The following USP48 variants were observed in gnomAD, a reference collection of about 807,000 sequenced individuals.
The protein encoded by USP48 is ubiquitin specific peptidase 48.
A neutral mutation model predicts 150.7 loss-of-function variants in USP48; 43 were observed. The observed-to-expected ratio is 0.29, with a 90% confidence interval of 0.22 to 0.37. The LOEUF (loss-of-function observed/expected upper bound fraction) is 0.37, where lower values mean the gene tolerates loss of function less well. Among genes scored for constraint, USP48 ranks in the 10% least tolerant of loss-of-function variants. The probability of loss-of-function intolerance (pLI) is 1.00; values close to 1 mark genes in which losing one functional copy is unlikely to be tolerated. For synonymous variants in USP48, 396 were observed against 425.9 expected, an observed-to-expected ratio of 0.93 and a Z score of 0.86; for missense variants, 813 against 1,249.6, an observed-to-expected ratio of 0.65 and a Z score of 5.27.
intron 22 of USP48, among the ~76,000 whole-genome samples, chr1:21,700,739 C>T (rs949553112): frequency 3.3e-5 from 5 of 152,176 alleles, no homozygotes; most frequent in African/African-American, 1.2e-4. Flanking sequence ...AACTTATCTC[C>T]ACCTACATCA....
chr1:21,697,854 C>T (rs1278503921), intron 22 of USP48, among the ~76,000 whole-genome samples: 1 of 151,988 alleles, frequency 6.6e-6, no homozygotes, highest in African/African-American at 2.4e-5. Flanking sequence ...GATCTAAAGG[C>T]TTTTCCTGGA....
At chr1:21,748,417 C>T in intron 6 of USP48, 146 bp from the exon 7 acceptor site, 2 of 707,114 alleles carry the variant, frequency 2.8e-6, no homozygotes, top group Non-Finnish European at 4.5e-6. Context: ...AATGGACACA[C>T]AAAAGTAATG....
At chr1:21,753,937 C>T (rs925511968) in intron 3 of USP48, among the ~76,000 whole-genome samples, 6 of 148,914 alleles carry the variant, frequency 4.0e-5, no homozygotes, top group African/African-American at 1.5e-4. Context: ...CCATGGCTGG[C>T]GGATCACAAG....
chr1:21,730,694 T>A (rs898948383), intron 9 of USP48, among the ~76,000 whole-genome samples: 2 of 150,492 alleles, frequency 1.3e-5, no homozygotes, highest in African/African-American at 4.9e-5. Flanking sequence ...AAAAAATAAA[T>A]AAATAAAAAT....
chr1:21,689,656 A>G (rs2097591371), intron 24 of USP48, among the ~76,000 whole-genome samples: 2 of 152,166 alleles, frequency 1.3e-5, no homozygotes, highest in Admixed American at 6.5e-5. Context: ...AAAGGCATAG[A>G]AACTGATCTA....
At chr1:21,758,739 G>C (rs1210664458) in intron 1 of USP48, among the ~76,000 whole-genome samples, 1 of 142,822 alleles carries the variant, frequency 7.0e-6, no homozygotes, top group East Asian at 2.1e-4. Context: ...GACAGAGCAA[G>C]ACTCTGTCTT....
At chr1:21,765,625 A>G (rs1158779441) in intron 1 of USP48, among the ~76,000 whole-genome samples, 1 of 149,148 alleles carries the variant, frequency 6.7e-6, no homozygotes, top group African/African-American at 2.5e-5. Flanking sequence ...AAAAAAAAAA[A>G]GGGGGGGACA....
At chr1:21,714,210 A>G (rs333186) in intron 15 of USP48, among the ~76,000 whole-genome samples, 120,340 of 152,140 alleles carry the variant, frequency 0.79, 48,516 homozygotes, top group Admixed American at 0.87. Context: ...AACAAGAAAC[A>G]CATGAACATG....
intron 3 of USP48, among the ~76,000 whole-genome samples, chr1:21,754,446 A>G (rs1382993536): frequency 6.6e-6 from 1 of 152,218 alleles, no homozygotes; most frequent in Middle Eastern, 3.2e-3. Flanking sequence ...GAAAGCATGG[A>G]TATTGAGAGC....
chr1:21,705,602 C>T, intron 19 of USP48, 125 bp downstream of exon 19: 1 of 663,930 alleles, frequency 1.5e-6, no homozygotes, highest in Non-Finnish European at 2.4e-6. Context: ...AAAAACCCCA[C>T]AATTCAGCAA....
intron 1 of USP48, among the ~76,000 whole-genome samples, chr1:21,778,724 G>A (rs2097906595): frequency 1.3e-5 from 2 of 151,358 alleles, no homozygotes; most frequent in Non-Finnish European, 2.9e-5. Flanking sequence ...ACCAGCTTGG[G>A]CACCAAAGTG....
chr1:21,750,332 C>T (rs1243608366), intron 6 of USP48, among the ~76,000 whole-genome samples: 5 of 152,104 alleles, frequency 3.3e-5, no homozygotes, highest in African/African-American at 7.2e-5. Flanking sequence ...TTGTTTCTAA[C>T]GGGGCTCACC....
At position 21,704,263 on chromosome 1, in the gene USP48, G is replaced by A. The variant is rs1272018284; in HGVS notation, c.2514C>T (p.Pro838=). The A allele has an allele frequency of 7.5e-6, 12 of 1,607,516 alleles. No homozygotes were observed. The highest frequency in any genetic ancestry group is 1.3e-5 in the African/African-American group (1 of 74,344). ...ACCGAAAGCAATATGAAAACTTACT[G>A]GGCTCAGAAATATACTGTGTTTCTG... is the stretch of plus-strand genomic sequence containing the variant. ...NPSETQYISE[P]KLCPECREGL... is the part of the protein sequence containing the mutation. The change falls in exon 20 of 27, where the codon CCC becomes CCT. Residue 838 remains proline (P), a splice_region_variant and synonymous_variant. Transcript: ENST00000308271.
At chr1:21,770,101 T>C (rs553122559) in intron 1 of USP48, among the ~76,000 whole-genome samples, 5 of 151,966 alleles carry the variant, frequency 3.3e-5, no homozygotes, top group Admixed American at 1.3e-4. Flanking sequence ...GGTGGGCAGA[T>C]TGCTTGAGCC....
chr1:21,759,650 C>G (rs758527313), intron 1 of USP48, among the ~76,000 whole-genome samples: 3 of 152,126 alleles, frequency 2.0e-5, no homozygotes, highest in Admixed American at 6.6e-5. Flanking sequence ...GGAGGTCCCA[C>G]TGGTCAAATT....
chr1:21,729,703 C>A lies in USP48; in HGVS notation c.1300+1G>T. On this transcript the variant is annotated splice_donor_variant, in intron 10 of 26. Coordinates refer to ENST00000308271, the MANE Select transcript of USP48 (RefSeq NM_032236.8). LOFTEE classifies it high-confidence loss of function. ...GCTATAATCCTGGAAAACTGCTTTA[C>A]CTGGAACTTGAACAGTAGTGTTGGG... 1 of 1,613,168 alleles carries A rather than the reference C, an allele frequency of 6.2e-7. No homozygotes were observed. The highest frequency in any genetic ancestry group is 2.2e-5 in the East Asian group (1 of 44,862).
intron 8 of USP48, among the ~76,000 whole-genome samples, chr1:21,743,882 G>T (rs540842): frequency 2.0e-5 from 3 of 152,058 alleles, no homozygotes; most frequent in African/African-American, 7.2e-5. Flanking sequence ...TTCAACTATA[G>T]AAGGACAAGG....
At chr1:21,770,865 G>A (rs183564003) in intron 1 of USP48, among the ~76,000 whole-genome samples, 237 of 151,974 alleles carry the variant, frequency 1.6e-3, no homozygotes, top group Non-Finnish European at 1.8e-3. Context: ...GCTCACGCCT[G>A]TAATCCCAGC....
At chr1:21,704,552 A>C (rs1463627697) in intron 19 of USP48, 160 bp from the exon 20 acceptor site, 1 of 769,352 alleles carries the variant, frequency 1.3e-6, no homozygotes, top group African/African-American at 1.8e-5. Context: ...AGTTTTTCAT[A>C]CAAAGGAATG....
Sources: allele counts gnomAD v4.1 joint callset (sites outside exome capture counted in the v4.1 genomes callset), GRCh38; gene constraint gnomAD v4.1.1; transcripts MANE v1.5; gene names NCBI Gene and HGNC (gene_info 2026-07-23, HGNC 2026-07-21).